Variants in ANXA8 observed in about 807,000 individuals in gnomAD.
ANXA8 encodes VAC-beta.
ANXA8 carries 9 observed loss-of-function variants against 26.8 expected under a neutral mutation model. That is an observed-to-expected ratio of 0.34 (90% CI 0.20 to 0.59). The LOEUF (loss-of-function observed/expected upper bound fraction) is 0.59. Ranked by LOEUF, ANXA8 falls within the 20% of genes least tolerant of loss-of-function variation. The pLI is 0.84. For synonymous variants in ANXA8, 39 were observed against 94.8 expected, an observed-to-expected ratio of 0.41 and a Z score of 3.42; for missense variants, 83 against 238.5, an observed-to-expected ratio of 0.35 and a Z score of 4.29.
At chr10:47,685,385 A>T in the ANXA8 span, among the ~76,000 whole-genome samples, 1 of 151,368 alleles carries the variant, frequency 6.6e-6, no homozygotes, top group Non-Finnish European at 1.5e-5. Context: ...AAACACAAAA[A>T]AACCTTGTGT....
chr10:47,496,118 G>A, the ANXA8 span: 1 of 151,632 alleles, frequency 6.6e-6, no homozygotes, highest in East Asian at 2.0e-4. Flanking sequence ...ACAGAGGTGA[G>A]GCTGACGCTT....
chr10:47,979,302 C>T, the ANXA8 span, among the ~76,000 whole-genome samples: 1 of 151,578 alleles, frequency 6.6e-6, no homozygotes, highest in African/African-American at 2.4e-5. Flanking sequence ...CTGAAAAAAA[C>T]AGTAAACCCA....
the ANXA8 span, chr10:47,726,709 T>A: frequency 1.5e-6 from 1 of 659,368 alleles, no homozygotes; most frequent in Non-Finnish European, 2.7e-6. Context: ...TCACAGAACA[T>A]CCTAGAGTTG....
At chr10:47,530,706 GA>G in the ANXA8 span, among the ~76,000 whole-genome samples, 1 of 117,680 alleles carries the variant, frequency 8.5e-6, no homozygotes, top group Non-Finnish European at 1.8e-5. Context: ...AAAAAAAAAA[GA>G]AAAAAGAGAG....
chr10:47,515,864 C>A, the ANXA8 span, among the ~76,000 whole-genome samples: 2 of 103,358 alleles, frequency 1.9e-5, no homozygotes, highest in African/African-American at 7.4e-5. Context: ...TGAGTGCTAT[C>A]AGTTAACAGA....
chr10:47,658,903 GC>G, the ANXA8 span, among the ~76,000 whole-genome samples: 4 of 146,396 alleles, frequency 2.7e-5, no homozygotes, highest in East Asian at 7.8e-4. Flanking sequence ...ACAGAGTCTT[GC>G]TCTGTCGCCC....
chr10:47,971,127 G>A, the ANXA8 span, among the ~76,000 whole-genome samples: 6 of 151,262 alleles, frequency 4.0e-5, no homozygotes, highest in Non-Finnish European at 8.9e-5. Flanking sequence ...GTGACCACAG[G>A]GCTCTGGTTT....
At chr10:47,969,259 G>T in the ANXA8 span, among the ~76,000 whole-genome samples, 1 of 151,484 alleles carries the variant, frequency 6.6e-6, no homozygotes, top group Admixed American at 6.6e-5. Flanking sequence ...TTAGAGAATT[G>T]TTTCAGCTTT....
the ANXA8 span, among the ~76,000 whole-genome samples, chr10:47,650,192 G>A: frequency 7.5e-5 from 11 of 146,454 alleles, no homozygotes; most frequent in African/African-American, 2.9e-4. Flanking sequence ...TGGTTGACAG[G>A]GCAAGTCTGT....
the ANXA8 span, among the ~76,000 whole-genome samples, chr10:47,755,414 C>A: frequency 6.6e-6 from 1 of 152,204 alleles, no homozygotes; most frequent in Non-Finnish European, 1.5e-5. Context: ...AGCCACCACA[C>A]CCAGCTAATT....
At chr10:47,970,338 G>A in the ANXA8 span, 1 of 151,258 alleles carries the variant, frequency 6.6e-6, no homozygotes, top group African/African-American at 2.4e-5. Context: ...GGCTGACTGA[G>A]CAGCTTGTGG....
the ANXA8 span, among the ~76,000 whole-genome samples, chr10:47,958,869 G>A: frequency 4.7e-5 from 7 of 149,994 alleles, no homozygotes; most frequent in Non-Finnish European, 1.0e-4. Context: ...ACAGCATGGG[G>A]GAAACCGCCC....
the ANXA8 span, among the ~76,000 whole-genome samples, chr10:47,492,979 G>A: frequency 1.8e-4 from 27 of 150,686 alleles, no homozygotes; most frequent in Non-Finnish European, 3.2e-4. Flanking sequence ...CCTGGGACTC[G>A]GGAGCTGAGA....
the ANXA8 span, among the ~76,000 whole-genome samples, chr10:47,506,741 G>A: frequency 6.9e-6 from 1 of 145,290 alleles, no homozygotes; most frequent in Non-Finnish European, 1.5e-5. Context: ...CCAAGTTCAA[G>A]CGGTTCTCCT....
chr10:47,932,816 A>C, the ANXA8 span, among the ~76,000 whole-genome samples: 1 of 71,344 alleles, frequency 1.4e-5, no homozygotes, highest in South Asian at 6.1e-4. Flanking sequence ...GAGAGCCCTC[A>C]TGAGGAAACA....
At chr10:47,951,330 A>G in the ANXA8 span, among the ~76,000 whole-genome samples, 1 of 150,948 alleles carries the variant, frequency 6.6e-6, no homozygotes, top group Admixed American at 6.6e-5. Flanking sequence ...TCCGGGCTCC[A>G]GTGACTTCTC....
chr10:47,669,023 A>G, the ANXA8 span, among the ~76,000 whole-genome samples: 1 of 151,778 alleles, frequency 6.6e-6, no homozygotes, highest in Non-Finnish European at 1.5e-5. Flanking sequence ...TGAGGATTTC[A>G]GTATTCAGTA....
the ANXA8 span, among the ~76,000 whole-genome samples, chr10:47,652,310 A>G: frequency 2.0e-5 from 3 of 151,662 alleles, no homozygotes; most frequent in Admixed American, 6.5e-5. Context: ...ATTAAAAAAA[A>G]GTATAGGCCG....
At chr10:47,676,221 G>C in the ANXA8 span, among the ~76,000 whole-genome samples, 1 of 151,738 alleles carries the variant, frequency 6.6e-6, no homozygotes, top group African/African-American at 2.4e-5. Context: ...TATGTAATTG[G>C]AGTTTCAGAA....
Sources: gnomAD v4.1 joint callset for allele counts (sites outside exome capture counted in the v4.1 genomes callset) on GRCh38, gnomAD v4.1.1 for gene constraint, MANE v1.5 for transcripts, NCBI Gene and HGNC (gene_info 2026-07-23, HGNC 2026-07-21) for gene names.